The following OR5B3 variants were observed in gnomAD, a reference collection of about 807,000 sequenced individuals.
The protein encoded by OR5B3 is olfactory receptor 5B3.
For missense variants in OR5B3, 430 were observed against 375.4 expected (o/e 1.15, Z -1.20); for synonymous variants, 150 against 135.0 (o/e 1.11, Z -0.77).
intron 1 of OR5B3, among the ~76,000 whole-genome samples, chr11:58,405,200 C>A (rs1855084275): frequency 6.6e-6 from 1 of 152,142 alleles, no homozygotes. Flanking sequence ...CCTCCAGATT[C>A]ATCCACGTTG....
chr11:58,402,613 A>G lies in OR5B3; in HGVS notation c.797T>C (p.Met266Thr), dbSNP rs79345772. The G allele has an allele frequency of 1.5e-3, 2,400 of 1,613,880 alleles. 26 individuals are homozygous for G. In the African/African-American group the frequency reaches 0.028, roughly 19 times the overall value. ...CACAGGTGCCATTTTGTCTGTGTCC[A>G]TGGAGTGACTGGAGCTGGGTTGTAA... ...MYLQPSSSHS[M>T]DTDKMAPVFY... The change falls in exon 2 of 2, where the codon ATG becomes ACG. Residue 266 changes from methionine (M) to threonine (T), a missense_variant. Physicochemically the swap from Met to Thr is moderately conservative, Grantham distance 81. Coordinates refer to ENST00000641865, the MANE Select transcript of OR5B3 (RefSeq NM_001005469.2).
At chr11:58,404,910 A>C (rs189553644) in intron 1 of OR5B3, among the ~76,000 whole-genome samples, 1 of 152,260 alleles carries the variant, frequency 6.6e-6, no homozygotes, top group Non-Finnish European at 1.5e-5. Context: ...TAAAATTTCA[A>C]CTTTCATTTT....
In OR5B3 at chr11:58,403,420, G is replaced by A. The variant is rs994683465; in HGVS notation, c.-11C>T. The A allele has an allele frequency of 6.9e-7, 1 of 1,452,830 alleles. No individual in the cohort carries two copies. Among genetic ancestry groups the A allele is most frequent in the Non-Finnish European group, 9.4e-7 (1 of 1,068,212 alleles). The allele number at this position is 1,452,830 out of a possible 1,614,324, so 90.0% of individuals were successfully genotyped here. A position where few individuals can be genotyped will look rare whatever the true frequency, so the allele number is the denominator to read the frequency against. ...TGTCTTATTTTCCATCACTGCTCTG[G>A]GGGACTCACAGGATGCTTGTAGCAA... On this transcript the variant is annotated 5_prime_UTR_variant, in exon 2 of 2. Coordinates refer to ENST00000641865, the MANE Select transcript of OR5B3 (RefSeq NM_001005469.2).
At chr11:58,405,417 A>G (rs554220838) in intron 1 of OR5B3, among the ~76,000 whole-genome samples, 18 of 152,342 alleles carry the variant, frequency 1.2e-4, no homozygotes, top group Admixed American at 9.8e-4. Context: ...CTATGCAGCC[A>G]TAAAAAAGAA....
At position 58,403,031 on chromosome 11, in the gene OR5B3, G is replaced by C. The variant is rs1394988557; in HGVS notation, c.379C>G (p.Pro127Ala). Residue 127 changes from proline to alanine, a missense_variant, in exon 2 of 2, where the codon CCC (proline) becomes GCC (alanine). Physicochemically the swap from Pro to Ala is conservative, Grantham distance 27. Transcript: ENST00000641865. ...GTCATGGTTGTGGTGTAATGTAGGG[G>C]TTTGCACACTGCTGCATAGCGGTCA... Reference protein sequence around the residue: ...AYDRYAAVCKPLHYTTTMTTT... With the variant: ...AYDRYAAVCKALHYTTTMTTT... The C allele has an allele frequency of 2.5e-6, 4 of 1,613,938 alleles. No individual in the cohort carries two copies. Among genetic ancestry groups the C allele is most frequent in the Admixed American group, 1.7e-5 (1 of 59,960 alleles).
rs1855057735 is a variant in OR5B3, at chr11:58,403,226, T to A, written c.184A>T (p.Ser62Cys). ...CAAAAGTCCACTAGAGACAAGTTAC[T>A]GAGAAAAAAGTACATGGGATTGTGG... Reference protein sequence around the residue: ...CLHNPMYFFLSNLSLVDFCYS... With the variant: ...CLHNPMYFFLCNLSLVDFCYS... Residue 62 changes from serine (S) to cysteine (C), a missense_variant, in exon 2 of 2, where the codon AGT becomes TGT. By Grantham distance (112) the Ser-to-Cys change is moderately radical. Coordinates refer to ENST00000641865, the MANE Select transcript of OR5B3 (RefSeq NM_001005469.2). 1 of 1,613,834 alleles carries A rather than the reference T, an allele frequency of 6.2e-7. No homozygotes were observed. The highest frequency in any genetic ancestry group is 8.5e-7 in the Non-Finnish European group (1 of 1,179,884).
In OR5B3 at chr11:58,402,954, C is replaced by G. The variant is rs757179300; in HGVS notation, c.456G>C (p.Leu152=). The G allele has an allele frequency of 6.2e-7, 1 of 1,614,052 alleles. No homozygotes were observed. Among genetic ancestry groups the G allele is most frequent in the Non-Finnish European group, 8.5e-7 (1 of 1,179,958 alleles). ...LAIGSYLCGF[L]NASIHTGDTF... ...TGTCCCCAGTGTGGATGGAGGCATT[C>G]AGGAAACCACAGAGGTAGGAGCCTA... The change falls in exon 2 of 2, where the codon CTG becomes CTC. Residue 152 remains leucine (L), a synonymous_variant. Transcript: ENST00000641865.
chr11:58,402,865 A>G lies in OR5B3; in HGVS notation c.545T>C (p.Val182Ala), dbSNP rs770654082. 1.5e-5 allele frequency: 25 copies of G among 1,613,974 alleles called. No individual in the cohort carries two copies. Among genetic ancestry groups the G allele is most frequent in the Non-Finnish European group, 2.1e-5 (25 of 1,179,870 alleles). ...VHHFFCDIPAVMVLSCSDRHI... is the reference protein window; with the variant it reads ...VHHFFCDIPAAMVLSCSDRHI... ...TCTATCAGAGCAAGAGAGAACCATGACTGCTGGAATATCACAGAAAAAGTG... is the reference window on the plus strand; with the variant it reads ...TCTATCAGAGCAAGAGAGAACCATGGCTGCTGGAATATCACAGAAAAAGTG... The change falls in exon 2 of 2, where the codon GTC becomes GCC. Residue 182 changes from valine (V) to alanine (A), a missense_variant. Val to Ala is a moderately conservative substitution (Grantham distance 64). Transcript: ENST00000641865.
At chr11:58,405,071 A>G (rs115979074) in intron 1 of OR5B3, among the ~76,000 whole-genome samples, 1,707 of 152,186 alleles carry the variant, frequency 0.011, 29 homozygotes, top group African/African-American at 0.039. Context: ...CTAGTAGTCC[A>G]CAGTGTCTAT....
rs369150581 is a variant in OR5B3 at position 58,402,920 on chromosome 11, G to T, written c.490C>A (p.Leu164Ile). 6.2e-7 allele frequency: 1 copy of T among 1,613,986 alleles called. No homozygotes were observed. Among genetic ancestry groups the T allele is most frequent in the African/African-American group, 1.3e-5 (1 of 75,028 alleles). The change falls in exon 2 of 2, where the codon CTC (leucine) becomes ATC (isoleucine). Residue 164 changes from leucine to isoleucine, a missense_variant. Physicochemically the swap from Leu to Ile is conservative, Grantham distance 5 (BLOSUM62 2). Coordinates refer to ENST00000641865, the MANE Select transcript of OR5B3 (RefSeq NM_001005469.2). ...ASIHTGDTFS[L>I]SFCKSNEVHH... ...ACTTCATTGGACTTACAGAAAGAGAGACTAAATGTGTCCCCAGTGTGGATG... is the reference window on the plus strand; with the variant it reads ...ACTTCATTGGACTTACAGAAAGAGATACTAAATGTGTCCCCAGTGTGGATG...
chr11:58,406,188 TGAGA>T (rs1018126935), intron 1 of OR5B3, among the ~76,000 whole-genome samples: 8 of 136,630 alleles, frequency 5.9e-5, no homozygotes, highest in African/African-American at 1.1e-4. Flanking sequence ...TGTGTGTGTG[TGAGA>T]GAGAAAGAGA....
At position 58,402,759 on chromosome 11, in the gene OR5B3, T is replaced by C; in HGVS notation, c.651A>G (p.Thr217=). The change falls in exon 2 of 2, where the codon ACA becomes ACG. Residue 217 remains threonine, a synonymous_variant. Coordinates refer to ENST00000641865, the MANE Select transcript of OR5B3 (RefSeq NM_001005469.2). ...IALLVILISY[T]FIFITILKMH... ...TCTTTAGGATGGTGATAAAAATGAA[T>C]GTGTAGGATATCAAGATAACCAGGA... The C allele has an allele frequency of 6.2e-7, 1 of 1,613,876 alleles. No homozygotes were observed. Among genetic ancestry groups the C allele is most frequent in the South Asian group, 1.1e-5 (1 of 91,086 alleles).
chr11:58,406,496 G>GT lies in OR5B3; in HGVS notation c.-27+304dup, dbSNP rs980758247. ...TTTCACTTGTTTTTGTTTGTTTTTG[G>GT]TTTTTTTTTTTACCACTCATGAGAA... is the stretch of plus-strand genomic sequence containing the variant. On this transcript the variant is annotated intron_variant, in intron 1 of 1. Coordinates refer to ENST00000641865, the MANE Select transcript of OR5B3 (RefSeq NM_001005469.2). Among the ~76,000 whole-genome samples, 303 of 147,456 alleles carry GT rather than the reference G, an allele frequency of 2.1e-3. 5 individuals carry two copies. Among genetic ancestry groups the GT allele is most frequent in the South Asian group, 6.4e-3 (30 of 4,718 alleles).
Position 58,405,739 on chromosome 11 carries a change from C to T in OR5B3, c.-27+1062G>A, listed in dbSNP as rs377594182. Reference sequence around the variant, plus strand: ...GTAATAAACCTGCACATCCTGCACACGTAGCCCTGAACTTAAAAGTTGGAC... The same window carrying T: ...GTAATAAACCTGCACATCCTGCACATGTAGCCCTGAACTTAAAAGTTGGAC... On this transcript the variant is annotated intron_variant, in intron 1 of 1. Transcript: ENST00000641865. Among the ~76,000 whole-genome samples the T allele has an allele frequency of 1.8e-4, 27 of 152,190 alleles. No individual in the cohort carries two copies. In the East Asian group the frequency reaches 3.9e-3, roughly 22 times the overall value.
rs1367995008 is a variant in OR5B3, at chr11:58,402,650, T to C, written c.760A>G (p.Ile254Val). ...IAVGIFYGTI[I>V]FMYLQPSSSH... The stretch of plus-strand genomic sequence containing the variant: ...GAGCTGGGTTGTAAGTACATGAAGA[T>C]AATAGTCCCATAGAAGATGCCGACT... The change falls in exon 2 of 2, where the codon ATC (isoleucine) becomes GTC (valine). Residue 254 changes from isoleucine to valine, a missense_variant. By Grantham distance (29) the Ile-to-Val change is conservative. Coordinates refer to ENST00000641865, the MANE Select transcript of OR5B3 (RefSeq NM_001005469.2). The C allele has an allele frequency of 9.3e-6, 15 of 1,613,808 alleles. No individual in the cohort carries two copies. Among genetic ancestry groups the C allele is most frequent in the African/African-American group, 1.3e-5 (1 of 74,898 alleles).
At chr11:58,406,495 G>T (rs910802613) in intron 1 of OR5B3, among the ~76,000 whole-genome samples, 17 of 147,044 alleles carry the variant, frequency 1.2e-4, no homozygotes, top group East Asian at 3.9e-4. Context: ...GTTTGTTTTT[G>T]GTTTTTTTTT....
chr11:58,403,480 T>C (rs1855064302), intron 1 of OR5B3, 45 bp from the exon 2 acceptor site: 3 of 840,846 alleles, frequency 3.6e-6, no homozygotes, highest in Non-Finnish European at 5.6e-6. Context: ...TAAATTGAAT[T>C]AAAATTGAAA....
intron 1 of OR5B3, among the ~76,000 whole-genome samples, chr11:58,404,249 G>A (rs1378452534): frequency 1.3e-5 from 2 of 151,364 alleles, no homozygotes; most frequent in Non-Finnish European, 2.9e-5. Context: ...TTACCACCTG[G>A]GAATCACTGG....
In OR5B3 at chr11:58,402,766, G is replaced by C. The variant is rs1855046570; in HGVS notation, c.644C>G (p.Ser215Cys). 1.2e-6 allele frequency: 2 copies of C among 1,613,846 alleles called. No individual in the cohort carries two copies. The highest frequency in any genetic ancestry group is 1.7e-6 in the Non-Finnish European group (2 of 1,179,928). ...IFIALLVILI[S>C]YTFIFITILK... ...GATGGTGATAAAAATGAATGTGTAG[G>C]ATATCAAGATAACCAGGAGAGCTAT... The change falls in exon 2 of 2, where the codon TCC (serine) becomes TGC (cysteine). Residue 215 changes from serine (S) to cysteine (C), a missense_variant. Coordinates refer to ENST00000641865, the MANE Select transcript of OR5B3 (RefSeq NM_001005469.2).
Sources: gnomAD v4.1 joint callset for allele counts (sites outside exome capture counted in the v4.1 genomes callset) on GRCh38, gnomAD v4.1.1 for gene constraint, MANE v1.5 for transcripts, NCBI Gene and HGNC (gene_info 2026-07-23, HGNC 2026-07-21) for gene names.